TRIO: variants seen among roughly 807,000 people sequenced by gnomAD.
TRIO encodes trio Rho guanine nucleotide exchange factor.
In TRIO, 58 loss-of-function variants were observed where a neutral mutation model predicts 351.9. That is an observed-to-expected ratio of 0.16 (90% confidence interval 0.13 to 0.21). The LOEUF (loss-of-function observed/expected upper bound fraction) is 0.21, where lower values mean the gene tolerates loss of function less well. Ranked by LOEUF, TRIO falls within the 10% of genes least tolerant of loss-of-function variation. The pLI is 1.00. For synonymous variants in TRIO, 1,758 were observed against 1,595.7 expected (o/e 1.10, Z -2.42); for missense variants, 3,201 against 4,027.8 (o/e 0.79, Z 5.56).
chr5:14,388,692 T>G lies in TRIO; in HGVS notation c.3948+13T>G, dbSNP rs368640288. On this transcript the variant is annotated intron_variant, in intron 24 of 56. Transcript: ENST00000344204. ...GGAATGTATGGATGTAAGTAAGTTT[T>G]TTTTTTTTTTTTTTGCTTGTTTATT... 190 of 1,558,380 alleles carry G rather than the reference T, an allele frequency of 1.2e-4. No individual in the cohort carries two copies. The highest frequency in any genetic ancestry group is 1.6e-4 in the Non-Finnish European group (184 of 1,144,374).
At chr5:14,211,188 T>G (rs1791868395) in intron 1 of TRIO, among the ~76,000 whole-genome samples, 1 of 152,246 alleles carries the variant, frequency 6.6e-6, no homozygotes, top group South Asian at 2.1e-4. Flanking sequence ...ATTTAACAAC[T>G]GCCAAAATCA....
At chr5:14,418,132 G>C (rs1749792214) in intron 33 of TRIO, among the ~76,000 whole-genome samples, 1 of 152,226 alleles carries the variant, frequency 6.6e-6, no homozygotes, top group Admixed American at 6.5e-5. Context: ...GGACTTCTCG[G>C]AGCCAGTGGG....
intron 7 of TRIO, among the ~76,000 whole-genome samples, chr5:14,300,920 G>A (rs1039057366): frequency 9.2e-5 from 14 of 151,966 alleles, no homozygotes; most frequent in African/African-American, 3.1e-4. Context: ...GGAAATTTCC[G>A]TCCCTTTGTC....
chr5:14,163,614 A>C (rs1201455067), intron 1 of TRIO, among the ~76,000 whole-genome samples: 2 of 152,208 alleles, frequency 1.3e-5, no homozygotes, highest in Non-Finnish European at 2.9e-5. Flanking sequence ...CATTAAGGAC[A>C]ACTATTGCCT....
intron 1 of TRIO, among the ~76,000 whole-genome samples, chr5:14,170,797 G>C (rs1000265135): frequency 1.3e-5 from 2 of 152,094 alleles, no homozygotes; most frequent in African/African-American, 4.8e-5. Flanking sequence ...GAACCTCTGT[G>C]CCTGGCTCGA....
intron 33 of TRIO, among the ~76,000 whole-genome samples, chr5:14,407,394 A>G (rs552662937): frequency 6.6e-6 from 1 of 152,366 alleles, no homozygotes; most frequent in East Asian, 1.9e-4. Flanking sequence ...GGTCACCAGA[A>G]GGAAGTTCTG....
chr5:14,150,324 C>T lies in TRIO; in HGVS notation c.157+6442C>T, dbSNP rs774459081. ...GGAGTTAGGGGGTGGGGGAGTATGG[C>T]TACAAGGGGGCAGGAGGCAGGTGAA... On this transcript the variant is annotated intron_variant, in intron 1 of 56. Coordinates refer to ENST00000344204, the MANE Select transcript of TRIO (RefSeq NM_007118.4). Among the ~76,000 whole-genome samples, 3 of 151,330 alleles carry T rather than the reference C, an allele frequency of 2.0e-5. No homozygotes were observed. The South Asian group carries it at 6.3e-4, about 32-fold the overall frequency.
At chr5:14,442,637 G>T (rs1276662862) in intron 34 of TRIO, among the ~76,000 whole-genome samples, 1 of 152,214 alleles carries the variant, frequency 6.6e-6, no homozygotes, top group African/African-American at 2.4e-5. Flanking sequence ...ACCACTCGAA[G>T]ATGGTGACCT....
At chr5:14,501,145 T>C (rs1038946984) in intron 53 of TRIO, among the ~76,000 whole-genome samples, 1 of 152,086 alleles carries the variant, frequency 6.6e-6, no homozygotes, top group Admixed American at 6.5e-5. Context: ...TAAATAATAG[T>C]CCAATATTTC....
At chr5:14,448,857 A>T (rs6882743) in intron 34 of TRIO, among the ~76,000 whole-genome samples, 1,871 of 152,296 alleles carry the variant, frequency 0.012, 43 homozygotes, top group African/African-American at 0.043. Flanking sequence ...ATCACTGGTA[A>T]GATAGTTCCT....
intron 11 of TRIO, among the ~76,000 whole-genome samples, chr5:14,339,098 G>A (rs1023709868): frequency 2.2e-4 from 33 of 152,206 alleles, no homozygotes; most frequent in Admixed American, 5.9e-4. Context: ...AAAATTAGCC[G>A]GGTGTGGTGG....
rs199843575 is a variant in TRIO at position 14,358,265 on chromosome 5, C to A, written c.2134C>A (p.Arg712Ser). 6.2e-7 allele frequency: 1 copy of A among 1,614,192 alleles called. No homozygotes were observed. The highest frequency in any genetic ancestry group is 8.5e-7 in the Non-Finnish European group (1 of 1,180,046). ...SVEAVQDLIKRFGQQQQTTLQ... is the reference protein window; with the variant it reads ...SVEAVQDLIKSFGQQQQTTLQ... ...GGAGGCCGTGCAGGACCTCATCAAGCGCTTTGGCCAGCAGCAGCAGACCAC... is the reference window on the plus strand; with the variant it reads ...GGAGGCCGTGCAGGACCTCATCAAGAGCTTTGGCCAGCAGCAGCAGACCAC... The change falls in exon 12 of 57, where the codon CGC (arginine) becomes AGC (serine). Residue 712 changes from arginine to serine, a missense_variant. Coordinates refer to ENST00000344204, the MANE Select transcript of TRIO (RefSeq NM_007118.4).
intron 15 of TRIO, among the ~76,000 whole-genome samples, chr5:14,366,125 G>A (rs1744571017): frequency 1.3e-5 from 2 of 152,102 alleles, no homozygotes; most frequent in Middle Eastern, 3.4e-3. Context: ...CAAAGTTGGG[G>A]TTTTACTTAG....
At chr5:14,208,872 G>A (rs1459880794) in intron 1 of TRIO, among the ~76,000 whole-genome samples, 2 of 152,170 alleles carry the variant, frequency 1.3e-5, no homozygotes, top group African/African-American at 4.8e-5. Context: ...CTGGTTCTAA[G>A]GGTTGCCTCA....
chr5:14,159,813 C>T (rs1302520086), intron 1 of TRIO, among the ~76,000 whole-genome samples: 1 of 152,188 alleles, frequency 6.6e-6, no homozygotes, highest in Non-Finnish European at 1.5e-5. Context: ...GATCTGCCCG[C>T]CTCGGCCTCC....
chr5:14,419,180 G>A (rs1749905497), intron 33 of TRIO, among the ~76,000 whole-genome samples: 1 of 152,066 alleles, frequency 6.6e-6, no homozygotes, highest in Admixed American at 6.6e-5. Flanking sequence ...GCCTGAAGTG[G>A]GGGAGCCTAG....
intron 18 of TRIO, among the ~76,000 whole-genome samples, chr5:14,370,185 T>C (rs1744969830): frequency 6.6e-6 from 1 of 151,888 alleles, no homozygotes; most frequent in South Asian, 2.1e-4. Flanking sequence ...AGTGCAGTAG[T>C]GCAGTCACAA....
chr5:14,185,929 G>A (rs1402628597), intron 1 of TRIO, among the ~76,000 whole-genome samples: 1 of 152,208 alleles, frequency 6.6e-6, no homozygotes, highest in Non-Finnish European at 1.5e-5. Context: ...ACCTCCGCCA[G>A]TGAAGAACTG....
chr5:14,144,669 C>T (rs1380377701), intron 1 of TRIO, among the ~76,000 whole-genome samples: 2 of 151,974 alleles, frequency 1.3e-5, no homozygotes, highest in African/African-American at 2.4e-5. Flanking sequence ...CCGAGTCCAC[C>T]CCGGCGCAGA....
Sources: allele counts gnomAD v4.1 joint callset (sites outside exome capture counted in the v4.1 genomes callset), GRCh38; gene constraint gnomAD v4.1.1; transcripts MANE v1.5; gene names NCBI Gene and HGNC (gene_info 2026-07-23, HGNC 2026-07-21).